The following STT3B variants were observed in gnomAD, a reference collection of about 807,000 sequenced individuals.
STT3B encodes the protein STT3 oligosaccharyltransferase complex catalytic subunit B.
A neutral mutation model predicts 96.8 loss-of-function variants in STT3B; 29 were observed. The observed-to-expected ratio is 0.30, with a 90% confidence interval of 0.22 to 0.41. The LOEUF (loss-of-function observed/expected upper bound fraction) is 0.41, where lower values mean the gene tolerates loss of function less well. Ranked by LOEUF, STT3B falls within the 10% of genes least tolerant of loss-of-function variation. STT3B has a pLI of 1.00. For synonymous variants in STT3B, 367 were observed against 360.0 expected (o/e 1.02, Z -0.22); for missense variants, 640 against 1,022.3 (o/e 0.63, Z 5.10).
intron 1 of STT3B, among the ~76,000 whole-genome samples, chr3:31,550,707 G>T (rs559780698): frequency 6.6e-6 from 1 of 152,078 alleles, no homozygotes; most frequent in Non-Finnish European, 1.5e-5. Context: ...TATAAAATTG[G>T]CTATGTTTAA....
At chr3:31,589,379 T>C (rs1403798534) in intron 3 of STT3B, among the ~76,000 whole-genome samples, 3 of 152,022 alleles carry the variant, frequency 2.0e-5, no homozygotes, top group African/African-American at 7.2e-5. Context: ...GACAATCATG[T>C]CATGCACGAA....
chr3:31,536,680 C>G (rs1007566505), intron 1 of STT3B, among the ~76,000 whole-genome samples: 4 of 152,142 alleles, frequency 2.6e-5, no homozygotes, highest in African/African-American at 7.2e-5. Flanking sequence ...AAGTACACTG[C>G]ACTTTTTTAA....
chr3:31,562,357 G>C (rs1300967049), intron 1 of STT3B, among the ~76,000 whole-genome samples: 2 of 152,306 alleles, frequency 1.3e-5, no homozygotes, highest in East Asian at 3.9e-4. Flanking sequence ...GGCAGGTTAA[G>C]TGGGCCTGAC....
intron 8 of STT3B, among the ~76,000 whole-genome samples, chr3:31,618,290 T>TAACATAC (rs1699353760): frequency 2.6e-5 from 1 of 39,084 alleles, no homozygotes. Flanking sequence ...TTGTCTTTTA[T>TAACATAC]AACATTTTCA....
At position 31,532,925 on chromosome 3, in the gene STT3B, G is replaced by A. The variant is rs1359228884; in HGVS notation, c.-74G>A. The A allele has an allele frequency of 2.7e-6, 4 of 1,475,166 alleles. No individual in the cohort carries two copies. In the East Asian group the frequency reaches 9.0e-5, roughly 33 times the overall value. 91.4% of individuals were successfully genotyped at this position (1,475,166 alleles called of 1,614,324 possible). A position where few individuals can be genotyped will look rare whatever the true frequency, so the allele number is the denominator to read the frequency against. On this transcript the variant is annotated 5_prime_UTR_variant, in exon 1 of 16. Coordinates refer to ENST00000295770, the MANE Select transcript of STT3B (RefSeq NM_178862.3). ...CTTCCTCCTCCTCCTCCTCCTCCGG[G>A]TCCCCGCCCAGCACCCCTCGCACCA...
intron 3 of STT3B, among the ~76,000 whole-genome samples, chr3:31,587,890 C>G (rs1390300480): frequency 1.3e-5 from 2 of 152,128 alleles, no homozygotes. Context: ...CTATCCTACT[C>G]CAAATCTTTT....
At chr3:31,570,638 A>G (rs1698113604) in intron 1 of STT3B, among the ~76,000 whole-genome samples, 1 of 152,202 alleles carries the variant, frequency 6.6e-6, no homozygotes, top group Non-Finnish European at 1.5e-5. Context: ...TAGGATCAAT[A>G]TGGTCAATCC....
intron 3 of STT3B, among the ~76,000 whole-genome samples, chr3:31,593,652 T>C (rs1698717936): frequency 6.6e-6 from 1 of 152,192 alleles, no homozygotes; most frequent in South Asian, 2.1e-4. Context: ...AAATTTGCCA[T>C]TAAGCCTACT....
intron 1 of STT3B, among the ~76,000 whole-genome samples, chr3:31,558,264 G>A (rs1275353374): frequency 6.6e-6 from 1 of 152,080 alleles, no homozygotes; most frequent in East Asian, 1.9e-4. Context: ...CTAGTTCTTT[G>A]TGGAAAGGCT....
At chr3:31,541,536 G>C (rs1289792169) in intron 1 of STT3B, among the ~76,000 whole-genome samples, 1 of 127,898 alleles carries the variant, frequency 7.8e-6, no homozygotes, top group Admixed American at 8.9e-5. Context: ...AAGGATTGTT[G>C]ACAATATGTA....
At chr3:31,560,586 C>T (rs1697851480) in intron 1 of STT3B, among the ~76,000 whole-genome samples, 1 of 151,924 alleles carries the variant, frequency 6.6e-6, no homozygotes, top group African/African-American at 2.4e-5. Flanking sequence ...CCCTTTCTTT[C>T]CTGGCCTATA....
In STT3B at chr3:31,625,026, A is replaced by G. The variant is rs773452306; in HGVS notation, c.1840A>G (p.Met614Val). Reference sequence around the variant, plus strand: ...GGATTATGGCTATCAGATAGCTGGAATGGCTAATAGAACTACGTTGGTGGA... The same window carrying G: ...GGATTATGGCTATCAGATAGCTGGAGTGGCTAATAGAACTACGTTGGTGGA... The part of the protein sequence containing the change: ...WWDYGYQIAG[M>V]ANRTTLVDNN... The change falls in exon 12 of 16, where the codon ATG becomes GTG. Residue 614 changes from methionine to valine, a missense_variant. Transcript: ENST00000295770. 2 of 1,613,948 alleles carry G rather than the reference A, an allele frequency of 1.2e-6. No individual in the cohort carries two copies. Among genetic ancestry groups the G allele is most frequent in the Non-Finnish European group, 1.7e-6 (2 of 1,179,926 alleles).
At chr3:31,543,971 A>G (rs1697342515) in intron 1 of STT3B, among the ~76,000 whole-genome samples, 1 of 152,238 alleles carries the variant, frequency 6.6e-6, no homozygotes, top group Non-Finnish European at 1.5e-5. Context: ...TGAGAAATGA[A>G]AAAAGACAGA....
chr3:31,596,761 A>T (rs1698801643), intron 3 of STT3B, 37 bp from the exon 4 acceptor site: 1 of 1,504,168 alleles, frequency 6.6e-7, no homozygotes, highest in South Asian at 1.2e-5. Context: ...GAACATTTGT[A>T]AACATTTTTA....
At chr3:31,619,905 T>C in intron 9 of STT3B, 75 bp downstream of exon 9, 4 of 1,531,312 alleles carry the variant, frequency 2.6e-6, no homozygotes, top group Non-Finnish European at 3.5e-6. Flanking sequence ...CTTTAAATTT[T>C]TGTTTTTCTA....
intron 5 of STT3B, among the ~76,000 whole-genome samples, chr3:31,604,774 T>A (rs1699011602): frequency 6.6e-6 from 1 of 152,176 alleles, no homozygotes; most frequent in Non-Finnish European, 1.5e-5. Flanking sequence ...GAGAGAATAG[T>A]ACAGAAGCAG....
At chr3:31,582,086 T>C (rs1173008344) in intron 3 of STT3B, among the ~76,000 whole-genome samples, 1 of 152,182 alleles carries the variant, frequency 6.6e-6, no homozygotes, top group Non-Finnish European at 1.5e-5. Flanking sequence ...TCTTTTTTAC[T>C]TAATCTAGCC....
At chr3:31,615,248 G>A (rs769969926) in intron 6 of STT3B, 45 bp downstream of exon 6, 122 of 1,405,942 alleles carry the variant, frequency 8.7e-5, no homozygotes, top group South Asian at 3.2e-4. Context: ...ATATGTGGAC[G>A]TGTGATTGGC....
chr3:31,620,647 G>A (rs987156396), intron 9 of STT3B, among the ~76,000 whole-genome samples: 5 of 152,100 alleles, frequency 3.3e-5, no homozygotes, highest in African/African-American at 1.2e-4. Flanking sequence ...TAATATAAGT[G>A]GACAAAATAA....
Sources: allele counts gnomAD v4.1 joint callset (sites outside exome capture counted in the v4.1 genomes callset), GRCh38; gene constraint gnomAD v4.1.1; transcripts MANE v1.5; gene names NCBI Gene and HGNC (gene_info 2026-07-23, HGNC 2026-07-21).